Variants in CADM2 observed in about 807,000 individuals in gnomAD.
The protein encoded by CADM2 is immunoglobulin superfamily member 4D.
A neutral mutation model predicts 49.8 loss-of-function variants in CADM2; 12 were observed. The observed-to-expected ratio is 0.24, with a 90% CI of 0.15 to 0.39. CADM2 has a LOEUF of 0.39. CADM2 is among the 10% of genes least tolerant of loss of function. The pLI is 1.00. For missense variants in CADM2, 378 were observed against 492.3 expected, an observed-to-expected ratio of 0.77 and a Z score of 2.20; for synonymous variants, 214 against 175.4, an observed-to-expected ratio of 1.22 and a Z score of -1.74.
At chr3:85,613,528 T>C (rs1279047567) in intron 1 of CADM2, among the ~76,000 whole-genome samples, 1 of 151,660 alleles carries the variant, frequency 6.6e-6, no homozygotes, top group African/African-American at 2.4e-5. Flanking sequence ...AGAGAGGTCT[T>C]TGAGTGATGG....
At chr3:85,291,377 C>T (rs2043791741) in intron 1 of CADM2, among the ~76,000 whole-genome samples, 1 of 151,208 alleles carries the variant, frequency 6.6e-6, no homozygotes, top group Non-Finnish European at 1.5e-5. Flanking sequence ...GGATATTATC[C>T]ATGAGAACTT....
intron 1 of CADM2, among the ~76,000 whole-genome samples, chr3:85,117,689 T>G (rs186064887): frequency 2.0e-5 from 3 of 152,284 alleles, no homozygotes; most frequent in Admixed American, 6.5e-5. Flanking sequence ...ATTAGGGTGT[T>G]TTATGAAGTA....
At chr3:85,134,971 A>T (rs1044675624) in intron 1 of CADM2, among the ~76,000 whole-genome samples, 3 of 152,032 alleles carry the variant, frequency 2.0e-5, no homozygotes, top group African/African-American at 7.2e-5. Context: ...GGAATGGATT[A>T]TACTTGTTAT....
rs1475076903 is a variant in CADM2, at chr3:85,906,178, A to G, written c.530-6195A>G. 3.3e-5 allele frequency among the ~76,000 whole-genome samples: 5 copies of G among 152,262 alleles called. No individual in the cohort carries two copies. The East Asian group carries it at 7.7e-4, about 24-fold the overall frequency. On this transcript the variant is annotated intron_variant, in intron 5 of 9. Transcript: ENST00000383699. ...TTATTATATTTTGGGCATGCAATAA[A>G]ACATCATTTTAAATATATTTGAGGA...
intron 4 of CADM2, among the ~76,000 whole-genome samples, chr3:85,884,832 C>T (rs563634742): frequency 3.3e-5 from 5 of 150,286 alleles, no homozygotes; most frequent in African/African-American, 4.9e-5. Flanking sequence ...TCAAGCGATT[C>T]TCCTGCCTCA....
At chr3:85,771,891 C>A (rs912757913) in intron 2 of CADM2, among the ~76,000 whole-genome samples, 2 of 151,914 alleles carry the variant, frequency 1.3e-5, no homozygotes, top group African/African-American at 4.8e-5. Context: ...AGTTCCATTT[C>A]TTTCCAAGTT....
chr3:84,986,667 C>T (rs1056754493), intron 1 of CADM2, among the ~76,000 whole-genome samples: 4 of 151,538 alleles, frequency 2.6e-5, no homozygotes, highest in East Asian at 3.9e-4. Flanking sequence ...GACGAGTTAA[C>T]GGGTGCAGCA....
At position 86,069,899 on chromosome 3, in the gene CADM2, G is replaced by T. The variant is rs1338887956; in HGVS notation, c.*3116G>T. On this transcript the variant is annotated 3_prime_UTR_variant, in exon 10 of 10. Transcript: ENST00000383699. ...TTATTATCAAAAGTAGGAGGAAAAA[G>T]AAATGTTTGTGAGTGCAAGATTAAA... 1 of 151,958 alleles carries T rather than the reference G, an allele frequency of 6.6e-6. No individual in the cohort carries two copies. Among genetic ancestry groups the T allele is most frequent in the Non-Finnish European group, 1.5e-5 (1 of 67,884 alleles). The allele number at this position is 151,958 out of a possible 1,614,324, so 9.4% of individuals were successfully genotyped here.
chr3:85,851,362 A>G (rs1311899042), intron 3 of CADM2, among the ~76,000 whole-genome samples: 2 of 151,960 alleles, frequency 1.3e-5, no homozygotes, highest in Admixed American at 6.6e-5. Flanking sequence ...TTGTTCTACT[A>G]TTTGTCTTTT....
intron 1 of CADM2, among the ~76,000 whole-genome samples, chr3:85,509,640 T>C (rs934860693): frequency 6.6e-6 from 1 of 152,098 alleles, no homozygotes; most frequent in Admixed American, 6.6e-5. Context: ...ACATTAAAAG[T>C]GATGGTTTGT....
intron 1 of CADM2, among the ~76,000 whole-genome samples, chr3:85,529,818 T>C (rs1436773308): frequency 6.6e-6 from 1 of 152,138 alleles, no homozygotes; most frequent in Non-Finnish European, 1.5e-5. Flanking sequence ...GGTTAATTCA[T>C]CTTCAGGTAC....
chr3:85,101,249 G>A (rs538089595), intron 1 of CADM2, among the ~76,000 whole-genome samples: 66 of 152,178 alleles, frequency 4.3e-4, no homozygotes, highest in Admixed American at 8.5e-4. Context: ...GCAAGACTTC[G>A]TCTCAAAAAC....
At chr3:85,656,248 T>A (rs2107596349) in intron 1 of CADM2, among the ~76,000 whole-genome samples, 1 of 152,242 alleles carries the variant, frequency 6.6e-6, no homozygotes, top group South Asian at 2.1e-4. Flanking sequence ...TAATAAAAGT[T>A]GAATAAATAA....
At chr3:85,137,009 G>T (rs1214915904) in intron 1 of CADM2, among the ~76,000 whole-genome samples, 2 of 151,746 alleles carry the variant, frequency 1.3e-5, no homozygotes, top group Non-Finnish European at 3.0e-5. Context: ...AAAATATAAA[G>T]ATATTTTTCC....
chr3:85,413,930 T>A (rs1004262529), intron 1 of CADM2, among the ~76,000 whole-genome samples: 1 of 152,110 alleles, frequency 6.6e-6, no homozygotes, highest in African/African-American at 2.4e-5. Context: ...AGTGGTGGGA[T>A]CTGGGCCCAC....
chr3:85,787,945 T>C (rs1322443778), intron 2 of CADM2, among the ~76,000 whole-genome samples: 1 of 152,158 alleles, frequency 6.6e-6, no homozygotes, highest in African/African-American at 2.4e-5. Flanking sequence ...CTCAGGACTT[T>C]TGCATTAGCT....
At chr3:85,466,754 T>G (rs762613172) in intron 1 of CADM2, among the ~76,000 whole-genome samples, 11 of 152,108 alleles carry the variant, frequency 7.2e-5, no homozygotes, top group African/African-American at 2.7e-4. Context: ...CAAAAAAAAA[T>G]TATTACCTTG....
intron 1 of CADM2, among the ~76,000 whole-genome samples, chr3:85,657,019 G>A (rs1283337353): frequency 6.6e-6 from 1 of 152,090 alleles, no homozygotes; most frequent in Non-Finnish European, 1.5e-5. Context: ...CGTTTATCAT[G>A]CAATCCCATT....
chr3:85,510,465 G>A (rs567580261), intron 1 of CADM2, among the ~76,000 whole-genome samples: 20 of 151,894 alleles, frequency 1.3e-4, no homozygotes, highest in Non-Finnish European at 2.4e-4. Flanking sequence ...TTTACATTCC[G>A]AAAATTGCCT....
Sources: gnomAD v4.1 joint callset for allele counts (sites outside exome capture counted in the v4.1 genomes callset) on GRCh38, gnomAD v4.1.1 for gene constraint, MANE v1.5 for transcripts, NCBI Gene and HGNC (gene_info 2026-07-23, HGNC 2026-07-21) for gene names.